The following FBXL7 variants were observed in gnomAD, a reference collection of about 807,000 sequenced individuals.
The protein encoded by FBXL7 is F-box/LRR-repeat protein 7.
A neutral mutation model predicts 38.3 loss-of-function variants in FBXL7; 12 were observed. The observed-to-expected ratio is 0.31, with a 90% confidence interval of 0.20 to 0.51. The LOEUF is 0.51. FBXL7 is among the 20% of genes least tolerant of loss of function. FBXL7 has a pLI of 0.98. For missense variants in FBXL7, 567 were observed against 676.4 expected, an observed-to-expected ratio of 0.84 and a Z score of 1.79; for synonymous variants, 297 against 300.9, an observed-to-expected ratio of 0.99 and a Z score of 0.13.
chr5:15,912,822 T>G (rs1487014640), intron 2 of FBXL7, among the ~76,000 whole-genome samples: 2 of 152,098 alleles, frequency 1.3e-5, no homozygotes, highest in Non-Finnish European at 2.9e-5. Flanking sequence ...GGAAAAGCCC[T>G]GCCCTAGAAA....
At chr5:15,560,352 A>G (rs1738375816) in intron 1 of FBXL7, among the ~76,000 whole-genome samples, 1 of 152,228 alleles carries the variant, frequency 6.6e-6, no homozygotes, top group African/African-American at 2.4e-5. Flanking sequence ...GACAGTAGCC[A>G]GTGAGCCATA....
chr5:15,738,796 TC>T (rs1735822393), intron 2 of FBXL7, among the ~76,000 whole-genome samples: 2 of 152,206 alleles, frequency 1.3e-5, no homozygotes, highest in South Asian at 4.1e-4. Flanking sequence ...TTGGCAAATG[TC>T]TGAATCAAAC....
chr5:15,547,119 A>G (rs928722114), intron 1 of FBXL7, among the ~76,000 whole-genome samples: 2 of 152,294 alleles, frequency 1.3e-5, no homozygotes, highest in South Asian at 2.1e-4. Context: ...TCTGGAGTGC[A>G]TTTGAGGTTG....
At chr5:15,546,750 T>A (rs958232705) in intron 1 of FBXL7, among the ~76,000 whole-genome samples, 6 of 152,024 alleles carry the variant, frequency 3.9e-5, no homozygotes, top group African/African-American at 1.4e-4. Context: ...ACAAAAAAAA[T>A]TGCTTCTAGA....
chr5:15,780,560 C>T (rs1475038072), intron 2 of FBXL7, among the ~76,000 whole-genome samples: 1 of 152,038 alleles, frequency 6.6e-6, no homozygotes, highest in African/African-American at 2.4e-5. Flanking sequence ...CTTGACACAG[C>T]CATATTGTTT....
intron 3 of FBXL7, among the ~76,000 whole-genome samples, chr5:15,934,637 C>T (rs1742129381): frequency 6.6e-6 from 1 of 152,056 alleles, no homozygotes; most frequent in South Asian, 2.1e-4. Context: ...TTGTAAACTT[C>T]GTGATTCAAC....
chr5:15,899,229 G>A (rs1177895642), intron 2 of FBXL7, among the ~76,000 whole-genome samples: 10 of 152,204 alleles, frequency 6.6e-5, no homozygotes, highest in Admixed American at 6.5e-4. Flanking sequence ...ACCACACCCA[G>A]CTAATTTTGT....
chr5:15,571,360 C>A (rs1738775668), intron 1 of FBXL7, among the ~76,000 whole-genome samples: 1 of 152,052 alleles, frequency 6.6e-6, no homozygotes, highest in Non-Finnish European at 1.5e-5. Context: ...TTGGGAATCT[C>A]CAAAAACTTC....
At chr5:15,791,489 G>A (rs1737275985) in intron 2 of FBXL7, among the ~76,000 whole-genome samples, 2 of 152,234 alleles carry the variant, frequency 1.3e-5, no homozygotes, top group South Asian at 4.1e-4. Context: ...TGCCACCTAG[G>A]GTCCAGAAAT....
intron 1 of FBXL7, among the ~76,000 whole-genome samples, chr5:15,553,582 A>G (rs1325555741): frequency 6.6e-6 from 1 of 152,226 alleles, no homozygotes; most frequent in African/African-American, 2.4e-5. Flanking sequence ...AATAGCAGGC[A>G]CTCAGTAGGT....
chr5:15,632,263 C>T (rs1741025725), intron 2 of FBXL7, among the ~76,000 whole-genome samples: 1 of 151,968 alleles, frequency 6.6e-6, no homozygotes, highest in South Asian at 2.1e-4. Flanking sequence ...ATTCAGAGGA[C>T]CTAGGAATTT....
At position 15,738,152 on chromosome 5, in the gene FBXL7, T is replaced by C. The variant is rs145627782; in HGVS notation, c.127+122080T>C. ...GATAATTAACACCGACTCTACAGAG[T>C]CACATGGCCTGGATGAAGTCTGGCT... On this transcript the variant is annotated intron_variant, in intron 2 of 3. Coordinates refer to ENST00000504595, the MANE Select transcript of FBXL7 (RefSeq NM_012304.5). 2.2e-3 allele frequency among the ~76,000 whole-genome samples: 338 copies of C among 152,102 alleles called. 2 individuals carry two copies. The highest frequency in any genetic ancestry group is 7.3e-3 in the African/African-American group (303 of 41,492).
At chr5:15,534,806 T>A (rs1336576077) in intron 1 of FBXL7, among the ~76,000 whole-genome samples, 1 of 152,252 alleles carries the variant, frequency 6.6e-6, no homozygotes, top group Non-Finnish European at 1.5e-5. Context: ...TTGCTCTACA[T>A]CCTTGCCAGT....
At chr5:15,511,242 A>C (rs1736789072) in intron 1 of FBXL7, among the ~76,000 whole-genome samples, 1 of 152,242 alleles carries the variant, frequency 6.6e-6, no homozygotes, top group African/African-American at 2.4e-5. Context: ...CTGCTGACAA[A>C]TTGGCAGGTT....
intron 2 of FBXL7, among the ~76,000 whole-genome samples, chr5:15,896,087 G>A (rs1326688014): frequency 2.0e-5 from 3 of 149,560 alleles, no homozygotes; most frequent in African/African-American, 7.4e-5. Context: ...TGCAATGGCA[G>A]GATCTCAGCT....
intron 2 of FBXL7, among the ~76,000 whole-genome samples, chr5:15,775,791 G>C (rs10054672): frequency 2.0e-4 from 30 of 152,230 alleles, no homozygotes; most frequent in African/African-American, 7.2e-4. Flanking sequence ...ATGTTGATAA[G>C]GTTAATCAAG....
At chr5:15,764,590 G>A (rs1736536316) in intron 2 of FBXL7, among the ~76,000 whole-genome samples, 2 of 152,220 alleles carry the variant, frequency 1.3e-5, no homozygotes, top group Non-Finnish European at 2.9e-5. Context: ...TTAAGAACAG[G>A]AGCATCAGCC....
intron 2 of FBXL7, among the ~76,000 whole-genome samples, chr5:15,662,190 A>C (rs910144375): frequency 6.6e-6 from 1 of 151,896 alleles, no homozygotes; most frequent in Non-Finnish European, 1.5e-5. Context: ...AGCATCTGTT[A>C]ATTGGTGTGA....
At chr5:15,544,657 C>T (rs1016870973) in intron 1 of FBXL7, among the ~76,000 whole-genome samples, 1 of 152,102 alleles carries the variant, frequency 6.6e-6, no homozygotes, top group Non-Finnish European at 1.5e-5. Context: ...GGCTGATGCT[C>T]ATGATTAATC....
Sources: gnomAD v4.1 joint callset for allele counts (sites outside exome capture counted in the v4.1 genomes callset) on GRCh38, gnomAD v4.1.1 for gene constraint, MANE v1.5 for transcripts, NCBI Gene and HGNC (gene_info 2026-07-23, HGNC 2026-07-21) for gene names.